OSBPL8: variants seen among roughly 807,000 people sequenced by gnomAD.
The protein encoded by OSBPL8 is oxysterol binding protein like 8.
Under a neutral mutation model 125.5 loss-of-function variants are expected in OSBPL8, and 59 were observed. The ratio of observed to expected loss-of-function variants is 0.47; its 90% CI spans 0.38 to 0.58. The LOEUF (loss-of-function observed/expected upper bound fraction) is 0.58. OSBPL8 is among the 20% of genes least tolerant of loss of function. The pLI is 0.00. For synonymous variants in OSBPL8, 330 were observed against 338.9 expected (o/e 0.97, Z 0.29); for missense variants, 758 against 1,047.8 (o/e 0.72, Z 3.82).
intron 1 of OSBPL8, among the ~76,000 whole-genome samples, chr12:76,545,859 C>G (rs1950768641): frequency 6.6e-6 from 1 of 152,126 alleles, no homozygotes; most frequent in Non-Finnish European, 1.5e-5. Flanking sequence ...ATATTGAAAG[C>G]CTGTTCCTAA....
At chr12:76,421,242 A>T (rs556008196) in intron 4 of OSBPL8, among the ~76,000 whole-genome samples, 28 of 152,148 alleles carry the variant, frequency 1.8e-4, no homozygotes, top group African/African-American at 6.0e-4. Context: ...ATCTAACATT[A>T]AAAAAATCTC....
rs534121504 is a variant in OSBPL8, at chr12:76,491,686, C to T, written c.-67-4068G>A. ...ACTGATCTGTTTTTCCAGTGCTTTG[C>T]ATGGTAGACATTTCATTAACAGTTG... On this transcript the variant is annotated intron_variant, in intron 1 of 23. Coordinates refer to ENST00000261183, the MANE Select transcript of OSBPL8 (RefSeq NM_020841.5). 2.6e-5 allele frequency among the ~76,000 whole-genome samples: 4 copies of T among 152,264 alleles called. No homozygotes were observed. In the South Asian group the frequency reaches 8.3e-4, roughly 32 times the overall value.
chr12:76,408,157 A>AG (rs1954350995), intron 5 of OSBPL8, among the ~76,000 whole-genome samples: 1 of 150,452 alleles, frequency 6.6e-6, no homozygotes, highest in East Asian at 1.9e-4. Flanking sequence ...AAAAAAAAAA[A>AG]AAAAAAAAAG....
At chr12:76,513,333 G>A (rs1039014468) in intron 1 of OSBPL8, among the ~76,000 whole-genome samples, 1 of 152,306 alleles carries the variant, frequency 6.6e-6, no homozygotes, top group East Asian at 1.9e-4. Flanking sequence ...GCTAAGGATT[G>A]TTTTATATCC....
At chr12:76,553,884 T>C (rs1306663641) in intron 1 of OSBPL8, among the ~76,000 whole-genome samples, 2 of 142,220 alleles carry the variant, frequency 1.4e-5, no homozygotes, top group African/African-American at 2.6e-5. Flanking sequence ...GGCTCAGGCA[T>C]GAGAATCACT....
At chr12:76,483,861 G>C (rs1877838421) in intron 2 of OSBPL8, among the ~76,000 whole-genome samples, 1 of 151,628 alleles carries the variant, frequency 6.6e-6, no homozygotes, top group South Asian at 2.1e-4. Context: ...TTTTAGTAGA[G>C]ATGGGGTTTC....
chr12:76,410,127 T>C lies in OSBPL8; in HGVS notation c.288+437A>G, dbSNP rs1954450360. Among the ~76,000 whole-genome samples, 7 of 152,326 alleles carry C rather than the reference T, an allele frequency of 4.6e-5. 2 individuals are homozygous for C. The South Asian group carries it at 1.4e-3, about 32-fold the overall frequency. On this transcript the variant is annotated intron_variant, in intron 5 of 23. Coordinates refer to ENST00000261183, the MANE Select transcript of OSBPL8 (RefSeq NM_020841.5). ...AAATACTGATTCATAAACTATGTCT[T>C]ATTCTAAGAAAATGTCTGTCAATAG...
At chr12:76,426,250 T>C (rs1006061495) in intron 4 of OSBPL8, among the ~76,000 whole-genome samples, 2 of 152,210 alleles carry the variant, frequency 1.3e-5, no homozygotes, top group African/African-American at 2.4e-5. Context: ...TAGCCAATCA[T>C]GCTACTTCTG....
At chr12:76,559,175 G>T (rs866795001) in intron 1 of OSBPL8, among the ~76,000 whole-genome samples, 3 of 152,194 alleles carry the variant, frequency 2.0e-5, no homozygotes, top group Admixed American at 2.0e-4. Context: ...CGCGGCTTTT[G>T]TAAGGCTGCA....
At chr12:76,461,908 T>G (rs1874788705) in intron 2 of OSBPL8, among the ~76,000 whole-genome samples, 1 of 152,200 alleles carries the variant, frequency 6.6e-6, no homozygotes, top group African/African-American at 2.4e-5. Flanking sequence ...TTTAGATAGT[T>G]TGTTGTGTAC....
rs554256384 is a variant in OSBPL8, at chr12:76,549,217, A to G, written c.-68+10180T>C. Reference sequence around the variant, plus strand: ...GAGGAAATTATTAAAGACAGAGAAGAGTTTCCTGGAATTGGAAAAATAATC... The same window carrying G: ...GAGGAAATTATTAAAGACAGAGAAGGGTTTCCTGGAATTGGAAAAATAATC... On this transcript the variant is annotated intron_variant, in intron 1 of 23. Transcript: ENST00000261183. Among the ~76,000 whole-genome samples the G allele has an allele frequency of 3.3e-5, 5 of 152,314 alleles. No homozygotes were observed. In the East Asian group the frequency reaches 9.6e-4, roughly 29 times the overall value.
At chr12:76,417,771 G>A (rs1317836755) in intron 4 of OSBPL8, among the ~76,000 whole-genome samples, 1 of 151,914 alleles carries the variant, frequency 6.6e-6, no homozygotes, top group Non-Finnish European at 1.5e-5. Context: ...TTTAAAAACC[G>A]TAAACAGAGC....
rs979793541 is a variant in OSBPL8, at chr12:76,352,419, AAAAAGT to A, written c.*3464_*3469del. 3 of 152,566 alleles carry A rather than the reference AAAAAGT, an allele frequency of 2.0e-5. No homozygotes were observed. Among genetic ancestry groups the A allele is most frequent in the African/African-American group, 7.2e-5 (3 of 41,444 alleles). The allele number at this position is 152,566 out of a possible 1,614,324, so 9.5% of individuals were successfully genotyped here. ...AAATAAACAGTATGTAAAGAGTAAC[AAAAAGT>A]AAATTAAATATACTAAACTCACACA... is the stretch of plus-strand genomic sequence containing the variant. On this transcript the variant is annotated 3_prime_UTR_variant, in exon 24 of 24. Coordinates refer to ENST00000261183, the MANE Select transcript of OSBPL8 (RefSeq NM_020841.5).
chr12:76,445,976 G>A (rs1243185431), intron 4 of OSBPL8, among the ~76,000 whole-genome samples: 1 of 152,118 alleles, frequency 6.6e-6, no homozygotes, highest in African/African-American at 2.4e-5. Context: ...AACTTAAAAA[G>A]TCTGAGTTTA....
chr12:76,449,366 C>T (rs1303089748), intron 4 of OSBPL8, among the ~76,000 whole-genome samples: 1 of 152,168 alleles, frequency 6.6e-6, no homozygotes, highest in Non-Finnish European at 1.5e-5. Flanking sequence ...GAATTAGAAA[C>T]TGTGATCCCT....
chr12:76,397,748 A>C lies in OSBPL8; in HGVS notation c.618T>G (p.Asp206Glu). The change falls in exon 8 of 24, where the codon GAT becomes GAG. Residue 206 changes from aspartate to glutamate, a missense_variant. Physicochemically the swap from Asp to Glu is conservative, Grantham distance 45. This residue lies in a region of OSBPL8 where 69 missense variants were observed against 148.7 expected (regional missense o/e 0.46). Transcript: ENST00000261183. ...GATGGAAAAGTTTGAAACAAAAGCC[A>C]TCCTTTTTTGATGGACGTTCAATGA... ...CEIIERPSKK[D>E]GFCFKLFHPL... The C allele has an allele frequency of 6.2e-7, 1 of 1,614,080 alleles. No homozygotes were observed. The highest frequency in any genetic ancestry group is 1.1e-5 in the South Asian group (1 of 91,072).
chr12:76,386,841 C>T (rs187683730), intron 12 of OSBPL8, among the ~76,000 whole-genome samples, 181 bp from the exon 13 acceptor site: 1 of 152,044 alleles, frequency 6.6e-6, no homozygotes, highest in African/African-American at 2.4e-5. Flanking sequence ...TTTTTCTTAA[C>T]CTGGTCACAT....
At chr12:76,402,305 T>A (rs146013878) in intron 6 of OSBPL8, among the ~76,000 whole-genome samples, 1 of 152,214 alleles carries the variant, frequency 6.6e-6, no homozygotes, top group South Asian at 2.1e-4. Context: ...TAAAACATTA[T>A]GCAGGTCAAG....
At chr12:76,423,895 C>T (rs1467011792) in intron 4 of OSBPL8, among the ~76,000 whole-genome samples, 4 of 152,144 alleles carry the variant, frequency 2.6e-5, no homozygotes, top group Admixed American at 2.6e-4. Flanking sequence ...CCTTATTATG[C>T]ATTCACTTCA....
Sources: allele counts gnomAD v4.1 joint callset (sites outside exome capture counted in the v4.1 genomes callset), GRCh38; gene constraint gnomAD v4.1.1; regional missense constraint gnomAD v4.1.1; transcripts MANE v1.5; gene names NCBI Gene and HGNC (gene_info 2026-07-23, HGNC 2026-07-21).